Variants in PTPRR observed in about 807,000 individuals in gnomAD.
PTPRR encodes the protein protein tyrosine phosphatase receptor type R.
In PTPRR, 38 loss-of-function variants were observed where a neutral mutation model predicts 77.2. The observed-to-expected ratio is 0.49, with a 90% confidence interval of 0.38 to 0.65. The LOEUF is 0.65. PTPRR is among the 30% of genes least tolerant of loss of function. The pLI, the probability that PTPRR is intolerant of heterozygous loss-of-function variation, is 0.00. For synonymous variants in PTPRR, 299 were observed against 283.1 expected (o/e 1.06, Z -0.57); for missense variants, 744 against 799.2 (o/e 0.93, Z 0.83).
At chr12:70,734,694 G>C (rs551853723) in intron 6 of PTPRR, among the ~76,000 whole-genome samples, 59 of 152,228 alleles carry the variant, frequency 3.9e-4, no homozygotes, top group African/African-American at 1.3e-3. Context: ...AGCAATTACT[G>C]TGATTCCTCT....
intron 7 of PTPRR, 61 bp from the exon 8 acceptor site, chr12:70,698,410 AG>A (rs1397630621): frequency 3.3e-5 from 47 of 1,429,304 alleles, no homozygotes; most frequent in South Asian, 9.3e-5. Context: ...AAATCTTCAC[AG>A]GGGGGCATCT....
intron 7 of PTPRR, among the ~76,000 whole-genome samples, chr12:70,699,980 A>C (rs1888361631): frequency 6.6e-6 from 1 of 152,148 alleles, no homozygotes; most frequent in African/African-American, 2.4e-5. Context: ...TTATTTCATA[A>C]ACAAAGAGCT....
chr12:70,646,411 A>G (rs1886200924), intron 13 of PTPRR, among the ~76,000 whole-genome samples: 1 of 152,232 alleles, frequency 6.6e-6, no homozygotes, highest in Non-Finnish European at 1.5e-5. Context: ...CATAAAAATC[A>G]GCATATATCA....
intron 2 of PTPRR, among the ~76,000 whole-genome samples, chr12:70,841,598 C>T (rs1288685519): frequency 6.6e-6 from 1 of 152,024 alleles, no homozygotes; most frequent in Admixed American, 6.6e-5. Context: ...AAACTTTTTT[C>T]ATAGGAATTG....
chr12:70,710,415 C>T (rs868747099), intron 6 of PTPRR, among the ~76,000 whole-genome samples: 63 of 152,102 alleles, frequency 4.1e-4, no homozygotes, highest in Admixed American at 1.3e-3. Context: ...ATGGCTTAAA[C>T]GCTTAAATGT....
At chr12:70,653,883 C>A (rs1385324729) in intron 13 of PTPRR, among the ~76,000 whole-genome samples, 1 of 152,096 alleles carries the variant, frequency 6.6e-6, no homozygotes, top group Non-Finnish European at 1.5e-5. Flanking sequence ...CCATGATGAA[C>A]TGCTTCTAGA....
intron 2 of PTPRR, among the ~76,000 whole-genome samples, chr12:70,782,712 A>G (rs1307163597): frequency 1.3e-5 from 2 of 152,140 alleles, no homozygotes; most frequent in African/African-American, 4.8e-5. Context: ...GGGGAGGGAT[A>G]GCATTAGGAG....
intron 2 of PTPRR, among the ~76,000 whole-genome samples, chr12:70,769,331 T>G (rs1890910187): frequency 1.3e-5 from 2 of 151,058 alleles, no homozygotes; most frequent in South Asian, 4.2e-4. Context: ...ACAAAATCAA[T>G]GTACAAAAAT....
intron 6 of PTPRR, among the ~76,000 whole-genome samples, chr12:70,740,220 A>C (rs1890002406): frequency 6.6e-6 from 1 of 152,208 alleles, no homozygotes; most frequent in Non-Finnish European, 1.5e-5. Flanking sequence ...ATATGACACA[A>C]CAATTTAATC....
intron 6 of PTPRR, among the ~76,000 whole-genome samples, chr12:70,708,662 A>G (rs1247054601): frequency 6.6e-6 from 1 of 151,816 alleles, no homozygotes. Context: ...TAGTAGTTCT[A>G]TTTTTAGTTC....
chr12:70,754,831 G>A, intron 4 of PTPRR: 1 of 1,214,068 alleles, frequency 8.2e-7, no homozygotes, highest in Non-Finnish European at 1.1e-6. Flanking sequence ...TTTTCAAATA[G>A]AGTCTCTGCT....
intron 10 of PTPRR, among the ~76,000 whole-genome samples, chr12:70,667,968 G>C (rs1447953639): frequency 6.6e-6 from 1 of 151,944 alleles, no homozygotes; most frequent in Non-Finnish European, 1.5e-5. Flanking sequence ...CATAATCCTA[G>C]TCCACACTTT....
intron 6 of PTPRR, among the ~76,000 whole-genome samples, chr12:70,734,556 A>G (rs1295195271): frequency 6.6e-6 from 1 of 152,096 alleles, no homozygotes; most frequent in Non-Finnish European, 1.5e-5. Flanking sequence ...CTTGAACCTC[A>G]GGGTGAAGCA....
chr12:70,805,115 G>A (rs1474449144), intron 2 of PTPRR, among the ~76,000 whole-genome samples: 2 of 151,862 alleles, frequency 1.3e-5, no homozygotes, highest in South Asian at 2.1e-4. Flanking sequence ...AATATTTGAT[G>A]CCATTTTCTA....
chr12:70,830,869 G>T (rs146522778), intron 2 of PTPRR, among the ~76,000 whole-genome samples: 1 of 152,150 alleles, frequency 6.6e-6, no homozygotes, highest in Non-Finnish European at 1.5e-5. Flanking sequence ...ACTTTTTATA[G>T]CCAGCCACTA....
rs1183125038 is a variant in PTPRR, at chr12:70,694,682, G to GA, written c.1279+3582dup. On this transcript the variant is annotated intron_variant, in intron 8 of 13. Coordinates refer to ENST00000283228, the MANE Select transcript of PTPRR (RefSeq NM_002849.4). ...GGAGGGAGGGAAAGGGAGAAGGGCT[G>GA]AAAATCTTCCTATTGGGTACTATGT... Among the ~76,000 whole-genome samples the GA allele has an allele frequency of 2.6e-5, 4 of 152,066 alleles. No homozygotes were observed. The East Asian group carries it at 5.8e-4, about 22-fold the overall frequency.
At chr12:70,819,451 A>G (rs1391264382) in intron 2 of PTPRR, among the ~76,000 whole-genome samples, 4 of 152,236 alleles carry the variant, frequency 2.6e-5, no homozygotes, top group African/African-American at 7.2e-5. Flanking sequence ...TTACAAATCA[A>G]TGAGCTGTAA....
At chr12:70,654,112 T>C (rs949417788) in intron 13 of PTPRR, among the ~76,000 whole-genome samples, 1 of 152,178 alleles carries the variant, frequency 6.6e-6, no homozygotes, top group Non-Finnish European at 1.5e-5. Context: ...ATAATAAAGA[T>C]GATAATAACA....
chr12:70,820,830 G>T (rs1238076113), intron 2 of PTPRR, among the ~76,000 whole-genome samples: 1 of 152,158 alleles, frequency 6.6e-6, no homozygotes, highest in Non-Finnish European at 1.5e-5. Flanking sequence ...GTTTTAGCAA[G>T]AATCACACCA....
Sources: gnomAD v4.1 joint callset for allele counts (sites outside exome capture counted in the v4.1 genomes callset) on GRCh38, gnomAD v4.1.1 for gene constraint, MANE v1.5 for transcripts, NCBI Gene and HGNC (gene_info 2026-07-23, HGNC 2026-07-21) for gene names.